BCAS3: variants seen among roughly 807,000 people sequenced by gnomAD.
BCAS3 encodes BCAS3 microtubule associated cell migration factor, also known as BCAS4/BCAS3 fusion.
Under a neutral mutation model 116.1 loss-of-function variants are expected in BCAS3, and 53 were observed. The observed-to-expected ratio is 0.46, with a 90% CI of 0.37 to 0.57. BCAS3 has a LOEUF of 0.57. Among genes scored for constraint, BCAS3 ranks in the 20% least tolerant of loss-of-function variants. The probability of loss-of-function intolerance (pLI) is 0.00; values close to 1 mark genes in which losing one functional copy is unlikely to be tolerated. For missense variants in BCAS3, 917 were observed against 1,165.4 expected (o/e 0.79, Z 3.10); for synonymous variants, 391 against 408.2 (o/e 0.96, Z 0.51).
intron 7 of BCAS3, among the ~76,000 whole-genome samples, chr17:60,856,550 G>A (rs985636794): frequency 2.6e-5 from 4 of 152,036 alleles, no homozygotes; most frequent in Admixed American, 6.6e-5. Context: ...AATTAGCCAG[G>A]TGTGGTGGTG....
intron 6 of BCAS3, among the ~76,000 whole-genome samples, chr17:60,777,393 G>A (rs2045404837): frequency 6.6e-6 from 1 of 152,192 alleles, no homozygotes; most frequent in African/African-American, 2.4e-5. Context: ...GGGAGGACAA[G>A]GCAGACAAAT....
chr17:61,126,912 G>A lies in BCAS3; in HGVS notation c.2425+42348G>A, dbSNP rs987675831. The stretch of plus-strand genomic sequence containing the variant: ...ACATGGTAACAAGAATACAAAATGT[G>A]TTAAGATTTCTTTCTGGGTTATTTT... On this transcript the variant is annotated intron_variant, in intron 22 of 23. Coordinates refer to ENST00000407086, the MANE Select transcript of BCAS3 (RefSeq NM_017679.5). This position sits in a 1 kb window ranked among gnomAD's most constrained non-coding sequence, Gnocchi z 4.6. Among the ~76,000 whole-genome samples the A allele has an allele frequency of 4.6e-5, 7 of 152,138 alleles. No individual in the cohort carries two copies. Among genetic ancestry groups the A allele is most frequent in the Admixed American group, 1.3e-4 (2 of 15,274 alleles).
At chr17:60,919,869 A>G (rs992348291) in intron 12 of BCAS3, among the ~76,000 whole-genome samples, 4 of 152,150 alleles carry the variant, frequency 2.6e-5, no homozygotes, top group Non-Finnish European at 5.9e-5. Flanking sequence ...CCGCTAAGAA[A>G]TTACTCAGAA....
In BCAS3 at chr17:61,034,560, C is replaced by T. The variant is rs16944765; in HGVS notation, c.1638-106C>T. ...ACTTAAGGCAAAATGCATGTTCATACTGGAGGATTTGAATAGGGGTGGAAT... is the reference window on the plus strand; with the variant it reads ...ACTTAAGGCAAAATGCATGTTCATATTGGAGGATTTGAATAGGGGTGGAAT... On this transcript the variant is annotated intron_variant, in intron 16 of 23. Transcript: ENST00000407086. The surrounding 1 kb of genome is among the most constrained non-coding windows in gnomAD (Gnocchi z 5.0). 0.028 allele frequency: 28,498 copies of T among 1,010,986 alleles called. 3,772 individuals carry two copies. In the African/African-American group the frequency reaches 0.34, roughly 12 times the overall value. 62.6% of individuals were successfully genotyped at this position (1,010,986 alleles called of 1,614,324 possible). A position where few individuals can be genotyped will look rare whatever the true frequency, so the allele number is the denominator to read the frequency against.
chr17:60,771,886 C>G (rs2044748935), intron 6 of BCAS3, among the ~76,000 whole-genome samples: 1 of 152,174 alleles, frequency 6.6e-6, no homozygotes, highest in Admixed American at 6.5e-5. Context: ...GACATGAGCT[C>G]ATCCTTTTTT....
At chr17:60,880,579 C>T (rs1395125272) in intron 9 of BCAS3, among the ~76,000 whole-genome samples, 2 of 152,196 alleles carry the variant, frequency 1.3e-5, no homozygotes, top group African/African-American at 4.8e-5. Context: ...TGAGCCACCG[C>T]GCCTAGCCAT....
chr17:61,127,025 C>T (rs1466669586), intron 22 of BCAS3, among the ~76,000 whole-genome samples: 4 of 151,850 alleles, frequency 2.6e-5, no homozygotes, highest in Non-Finnish European at 4.4e-5. Context: ...GGATACATCT[C>T]GAAACATAAA....
intron 22 of BCAS3, among the ~76,000 whole-genome samples, chr17:61,314,422 T>C (rs1351801665): frequency 2.0e-5 from 3 of 152,246 alleles, no homozygotes; most frequent in African/African-American, 7.2e-5. Context: ...GCCTGGGCCT[T>C]CACCATCTGA....
In BCAS3 at chr17:60,956,476, C is replaced by A. The variant is rs192404091; in HGVS notation, c.1221+9124C>A. Among the ~76,000 whole-genome samples the A allele has an allele frequency of 6.6e-6, 1 of 152,254 alleles. No individual in the cohort carries two copies. Among genetic ancestry groups the A allele is most frequent in the East Asian group, 1.9e-4 (1 of 5,190 alleles). On this transcript the variant is annotated intron_variant, in intron 14 of 23. Coordinates refer to ENST00000407086, the MANE Select transcript of BCAS3 (RefSeq NM_017679.5). The surrounding 1 kb of genome is among the most constrained non-coding windows in gnomAD (Gnocchi z 4.2). ...TGAGATGCTCTACCTCATCTCTGAC[C>A]TTTTAGAATTTGGATATTTTAAGCA...
In BCAS3 at chr17:60,829,272, A is replaced by G. The variant is rs138627535; in HGVS notation, c.476+21196A>G. 6.0e-3 allele frequency among the ~76,000 whole-genome samples: 917 copies of G among 152,230 alleles called. 9 individuals carry two copies. The highest frequency in any genetic ancestry group is 0.021 in the African/African-American group (852 of 41,542). On this transcript the variant is annotated intron_variant, in intron 7 of 23. Transcript: ENST00000407086. The stretch of plus-strand genomic sequence containing the variant: ...CACTTTGGGAGGCTGAGGTGGGTGG[A>G]TCATGAGGTCAGGAGTTCAAGACCA...
At chr17:61,335,624 G>T (rs1325995070) in intron 22 of BCAS3, among the ~76,000 whole-genome samples, 5 of 152,098 alleles carry the variant, frequency 3.3e-5, no homozygotes, top group African/African-American at 7.2e-5. Context: ...AGGTGCAATG[G>T]CTCATCCTAG....
intron 7 of BCAS3, among the ~76,000 whole-genome samples, chr17:60,867,556 A>T (rs1040907069): frequency 6.6e-6 from 1 of 152,318 alleles, no homozygotes; most frequent in East Asian, 1.9e-4. Context: ...TTCTCAATTT[A>T]TAAAAATATA....
At chr17:61,127,157 C>T (rs1207467113) in intron 22 of BCAS3, among the ~76,000 whole-genome samples, 3 of 152,124 alleles carry the variant, frequency 2.0e-5, no homozygotes, top group Non-Finnish European at 2.9e-5. Context: ...ATTTGGTCTT[C>T]GCAAGTATCA....
intron 22 of BCAS3, among the ~76,000 whole-genome samples, chr17:61,137,504 C>T (rs2076706175): frequency 6.6e-6 from 1 of 152,250 alleles, no homozygotes; most frequent in South Asian, 2.1e-4. Flanking sequence ...CGTGGTGGCA[C>T]ACGCCTGTAA....
chr17:61,190,937 G>C (rs1442784011), intron 22 of BCAS3, among the ~76,000 whole-genome samples: 5 of 152,086 alleles, frequency 3.3e-5, no homozygotes, highest in African/African-American at 4.8e-5. Context: ...TGGGTGTGAT[G>C]GCATATGCCT....
rs181901604 is a variant in BCAS3 at position 61,265,800 on chromosome 17, A to T, written c.2426-102527A>T. Among the ~76,000 whole-genome samples, 18 of 149,910 alleles carry T rather than the reference A, an allele frequency of 1.2e-4. No individual in the cohort carries two copies. In the East Asian group the frequency reaches 3.5e-3, roughly 29 times the overall value. On this transcript the variant is annotated intron_variant, in intron 22 of 23. Transcript: ENST00000407086. The surrounding 1 kb of genome is among the most constrained non-coding windows in gnomAD (Gnocchi z 4.3). ...TGACCATGGACCTTACCTTTGTTCT[A>T]AAAAAAAAATCTTTGACTCCACCAT...
At chr17:61,194,415 C>T (rs747357497) in intron 22 of BCAS3, among the ~76,000 whole-genome samples, 5 of 152,108 alleles carry the variant, frequency 3.3e-5, no homozygotes, top group African/African-American at 4.8e-5. Flanking sequence ...TAAAGCAATT[C>T]TAGCCCTCAA....
chr17:61,154,461 G>A (rs572981441), intron 22 of BCAS3, among the ~76,000 whole-genome samples: 178 of 150,492 alleles, frequency 1.2e-3, no homozygotes, highest in African/African-American at 4.0e-3. Context: ...TTTGAGACAG[G>A]GTCTCCCTCT....
At chr17:60,700,185 A>AAAAAAAAAAAAAAAG (rs1319555739) in intron 4 of BCAS3, among the ~76,000 whole-genome samples, 2 of 147,138 alleles carry the variant, frequency 1.4e-5, no homozygotes, top group African/African-American at 5.4e-5. Context: ...AAAAAAAAAA[A>AAAAAAAAAAAAAAAG]GAAGCAGTTC....
Sources: gnomAD v4.1 joint callset for allele counts (sites outside exome capture counted in the v4.1 genomes callset) on GRCh38, gnomAD v4.1.1 for gene constraint, Gnocchi (gnomAD v3.1) non-coding constraint, MANE v1.5 for transcripts, NCBI Gene and HGNC (gene_info 2026-07-23, HGNC 2026-07-21) for gene names.